The following HOMER2 variants were observed in gnomAD, a reference collection of about 807,000 sequenced individuals.
HOMER2 encodes the protein homer scaffold protein 2, also known as homer protein homolog 2.
A neutral mutation model predicts 47.0 loss-of-function variants in HOMER2; 27 were observed. That is an observed-to-expected ratio of 0.57 (90% CI 0.42 to 0.79). HOMER2 has a LOEUF of 0.79. HOMER2 is among the 30% of genes least tolerant of loss of function. The pLI is 0.00. For missense variants in HOMER2, 443 were observed against 435.0 expected, an observed-to-expected ratio of 1.02 and a Z score of -0.16; for synonymous variants, 161 against 163.8, an observed-to-expected ratio of 0.98 and a Z score of 0.13.
chr15:82,864,094 C>A (rs2051882917), intron 4 of HOMER2, 73 bp downstream of exon 4: 1 of 925,902 alleles, frequency 1.1e-6, no homozygotes, highest in South Asian at 1.6e-5. Flanking sequence ...CTATTTCTGG[C>A]CAGAAGTGAC....
At chr15:82,979,488 T>TA (rs2030319974) in intron 1 of HOMER2, among the ~76,000 whole-genome samples, 1 of 152,212 alleles carries the variant, frequency 6.6e-6, no homozygotes, top group Non-Finnish European at 1.5e-5. Context: ...GATGCTCTAC[T>TA]AGCAGAGTGG....
intron 1 of HOMER2, among the ~76,000 whole-genome samples, chr15:82,971,800 C>G (rs2029997663): frequency 6.6e-6 from 1 of 152,158 alleles, no homozygotes; most frequent in Admixed American, 6.5e-5. Flanking sequence ...CTAGCTATTT[C>G]TGCCACAGCC....
intron 1 of HOMER2, among the ~76,000 whole-genome samples, chr15:82,968,518 AAC>A (rs1253638667): frequency 6.6e-6 from 1 of 152,232 alleles, no homozygotes; most frequent in Non-Finnish European, 1.5e-5. Context: ...CTTCCCCAGC[AAC>A]ACAGTTCCCT....
Position 82,868,542 on chromosome 15 carries a change from T to TATATATATATATATA in HOMER2, c.295-4284_295-4283insTATATATATATATAT, listed in dbSNP as rs370867216. On this transcript the variant is annotated intron_variant, in intron 3 of 8. Coordinates refer to ENST00000450735, the MANE Select transcript of HOMER2 (RefSeq NM_004839.4). ...TTTATTTTATATATATATATATATATTTTTTTTTTTTTTTTTCCCCTTTTG... is the reference window on the plus strand; with the variant it reads ...TTTATTTTATATATATATATATATATATATATATATATATATTTTTTTTTTTTTTTTCCCCTTTTG... Among the ~76,000 whole-genome samples, 412 of 42,604 alleles carry TATATATATATATATA rather than the reference T, an allele frequency of 9.7e-3. 2 individuals are homozygous for TATATATATATATATA. The highest frequency in any genetic ancestry group is 0.014 in the Non-Finnish European group (319 of 23,448). 27.9% of individuals were successfully genotyped at this position (42,604 alleles called of 152,430 possible). A position where few individuals can be genotyped will look rare whatever the true frequency, so the allele number is the denominator to read the frequency against.
intron 1 of HOMER2, among the ~76,000 whole-genome samples, chr15:82,935,786 C>A (rs1038275723): frequency 4.6e-5 from 7 of 152,188 alleles, no homozygotes; most frequent in Non-Finnish European, 7.3e-5. Context: ...AGAACCCACC[C>A]ACTTCTGTCT....
chr15:82,838,903 G>A (rs553696778), exon 2 of HOMER2: 4 of 152,264 alleles, frequency 2.6e-5, no homozygotes, highest in Non-Finnish European at 4.4e-5. Context: ...GGGAAAAGCC[G>A]GTTCTGTGTT....
chr15:82,873,521 C>A (rs760535927), intron 3 of HOMER2, among the ~76,000 whole-genome samples: 39 of 152,204 alleles, frequency 2.6e-4, no homozygotes, highest in Non-Finnish European at 4.4e-4. Context: ...CTCGTGCCTG[C>A]TGAACATCCA....
At chr15:82,875,827 A>G (rs2052331744) in intron 2 of HOMER2, among the ~76,000 whole-genome samples, 1 of 152,246 alleles carries the variant, frequency 6.6e-6, no homozygotes, top group Admixed American at 6.5e-5. Context: ...GTCCAACTCA[A>G]ACAATTGAAA....
In HOMER2 at chr15:82,967,745, C is replaced by T. The variant is rs913003049; in HGVS notation, n.83-8437G>A. Among the ~76,000 whole-genome samples the T allele has an allele frequency of 1.8e-4, 27 of 152,086 alleles. 1 individual carries two copies. In the South Asian group the frequency reaches 2.3e-3, roughly 13 times the overall value. ...TACAAAAATTAGCTGGGCGTTGTGG[C>T]GGGCATCTGTAGTCTCAGTTACTCA... On this transcript the variant is annotated intron_variant and non_coding_transcript_variant, in intron 1 of 1. Coordinates refer to the HOMER2 transcript ENST00000500334.
intron 5 of HOMER2, among the ~76,000 whole-genome samples, chr15:82,855,717 T>TC (rs1567015144): frequency 6.6e-6 from 1 of 151,944 alleles, no homozygotes; most frequent in South Asian, 2.1e-4. Context: ...CTGGCCCATA[T>TC]CCCCCCGGGG....
At chr15:82,980,414 C>A (rs1247096603) in intron 1 of HOMER2, among the ~76,000 whole-genome samples, 2 of 152,166 alleles carry the variant, frequency 1.3e-5, no homozygotes, top group African/African-American at 4.8e-5. Flanking sequence ...CCCTGACCTG[C>A]CTTTTCTTTC....
At chr15:82,949,198 C>T (rs1225493312) in intron 1 of HOMER2, among the ~76,000 whole-genome samples, 1 of 152,102 alleles carries the variant, frequency 6.6e-6, no homozygotes, top group Non-Finnish European at 1.5e-5. Context: ...GAGTCAGAAG[C>T]TCCAAGAAAG....
intron 1 of HOMER2, among the ~76,000 whole-genome samples, chr15:82,946,605 ACTGGATCCCCAT>A (rs1349209529): frequency 2.7e-4 from 41 of 152,156 alleles, no homozygotes; most frequent in African/African-American, 9.9e-4. Context: ...AAGTCTTCTA[ACTGGATCCCCAT>A]CTAAAATCTC....
At chr15:82,906,978 T>C (rs2151138287) in intron 1 of HOMER2, among the ~76,000 whole-genome samples, 1 of 152,290 alleles carries the variant, frequency 6.6e-6, no homozygotes, top group African/African-American at 2.4e-5. Flanking sequence ...TCAAAATACA[T>C]GCCAAAACTG....
intron 3 of HOMER2, among the ~76,000 whole-genome samples, chr15:82,874,455 T>G (rs2052278894): frequency 6.6e-6 from 1 of 152,234 alleles, no homozygotes; most frequent in African/African-American, 2.4e-5. Context: ...TCAGCCCCTT[T>G]AAACTGCTGA....
At chr15:82,853,731 A>G (rs1596302365) in intron 6 of HOMER2, among the ~76,000 whole-genome samples, 2 of 152,210 alleles carry the variant, frequency 1.3e-5, no homozygotes, top group Non-Finnish European at 2.9e-5. Flanking sequence ...CTTATGAACT[A>G]GAGTGTGACT....
exon 2 of HOMER2, chr15:82,838,821 AG>A (rs2051150312): frequency 6.6e-6 from 1 of 152,246 alleles, no homozygotes; most frequent in South Asian, 2.1e-4. Context: ...ACTTGAATGA[AG>A]GAAAAATAGA....
intron 1 of HOMER2, among the ~76,000 whole-genome samples, chr15:82,977,895 C>T (rs948156855): frequency 2.0e-5 from 3 of 152,008 alleles, no homozygotes; most frequent in Non-Finnish European, 4.4e-5. Context: ...ACCTATAATC[C>T]CAGCACTTTG....
chr15:82,855,693 G>A (rs1039485862), intron 5 of HOMER2, among the ~76,000 whole-genome samples: 1 of 152,242 alleles, frequency 6.6e-6, no homozygotes, highest in Non-Finnish European at 1.5e-5. Context: ...ACAGGGGTCT[G>A]GAGGGAGCTC....
Sources: allele counts gnomAD v4.1 joint callset (sites outside exome capture counted in the v4.1 genomes callset), GRCh38; gene constraint gnomAD v4.1.1; transcripts MANE v1.5; gene names NCBI Gene and HGNC (gene_info 2026-07-23, HGNC 2026-07-21).